Variants in CCDC69 observed in about 807,000 individuals in gnomAD.
CCDC69 encodes the protein coiled-coil domain containing 69, also known as coiled-coil domain-containing protein 69.
Under a neutral mutation model 40.3 loss-of-function variants are expected in CCDC69, and 38 were observed. That is an observed-to-expected ratio of 0.94 (90% CI 0.73 to 1.24). The LOEUF (loss-of-function observed/expected upper bound fraction) is 1.24, where lower values mean the gene tolerates loss of function less well. Among genes scored for constraint, CCDC69 ranks in the 50% most tolerant of loss-of-function variants. The pLI is 0.00. For synonymous variants in CCDC69, 141 were observed against 138.9 expected (o/e 1.02, Z -0.11); for missense variants, 389 against 357.9 (o/e 1.09, Z -0.70).
chr5:151,216,286 T>C (rs1004351438), intron 1 of CCDC69, among the ~76,000 whole-genome samples: 1 of 151,384 alleles, frequency 6.6e-6, no homozygotes, highest in African/African-American at 2.4e-5. Flanking sequence ...AAAAAATGCA[T>C]AGGAAAAAGT....
chr5:151,189,370 G>T (rs2113986170), intron 4 of CCDC69, among the ~76,000 whole-genome samples: 1 of 151,970 alleles, frequency 6.6e-6, no homozygotes, highest in East Asian at 1.9e-4. Context: ...ATCAATAGCA[G>T]AATGGAGATG....
At chr5:151,189,498 A>T (rs1752577499) in intron 4 of CCDC69, among the ~76,000 whole-genome samples, 1 of 152,138 alleles carries the variant, frequency 6.6e-6, no homozygotes, top group South Asian at 2.1e-4. Context: ...GAGACCTGTA[A>T]GATAATGCCC....
intron 1 of CCDC69, among the ~76,000 whole-genome samples, chr5:151,206,382 T>C (rs1216588144): frequency 6.6e-6 from 1 of 152,096 alleles, no homozygotes; most frequent in Non-Finnish European, 1.5e-5. Flanking sequence ...TAGGCATGAT[T>C]GATTAAACTA....
At chr5:151,205,260 TG>T in intron 2 of CCDC69, 139 bp downstream of exon 2, 1 of 737,200 alleles carries the variant, frequency 1.4e-6, no homozygotes, top group East Asian at 2.6e-5. Flanking sequence ...ATTACCTCCC[TG>T]ATTTTAGACA....
chr5:151,204,101 C>A (rs895466717), intron 2 of CCDC69, among the ~76,000 whole-genome samples: 2 of 151,808 alleles, frequency 1.3e-5, no homozygotes, highest in Non-Finnish European at 2.9e-5. Flanking sequence ...GTGATCACAG[C>A]TCACCACAGC....
At chr5:151,213,705 T>C (rs1752989042) in intron 1 of CCDC69, among the ~76,000 whole-genome samples, 1 of 152,348 alleles carries the variant, frequency 6.6e-6, no homozygotes, top group Non-Finnish European at 1.5e-5. Flanking sequence ...CTGCAGAGAC[T>C]TGAGCTAGCC....
chr5:151,186,130 G>C lies in CCDC69; in HGVS notation c.394-6C>G. On this transcript the variant is annotated splice_polypyrimidine_tract_variant and splice_region_variant and intron_variant, in intron 5 of 8. Transcript: ENST00000355417. ...GTCAGTCTGTCTATGGTCTCCTGGA[G>C]CAGGGAGTGGGATGGAGACAATCAA... 1 of 1,595,782 alleles carries C rather than the reference G, an allele frequency of 6.3e-7. No individual in the cohort carries two copies.
chr5:151,210,143 A>C (rs755914694), intron 1 of CCDC69, among the ~76,000 whole-genome samples: 1 of 152,234 alleles, frequency 6.6e-6, no homozygotes, highest in Non-Finnish European at 1.5e-5. Flanking sequence ...CAAATGTGTT[A>C]ATTTTAATGA....
intron 4 of CCDC69, among the ~76,000 whole-genome samples, chr5:151,195,621 A>C (rs1052847361): frequency 1.4e-5 from 2 of 148,060 alleles, no homozygotes. Flanking sequence ...CGGGAGGCTG[A>C]GGCAGAAGAA....
At chr5:151,189,566 CAA>C (rs552880093) in intron 4 of CCDC69, among the ~76,000 whole-genome samples, 2 of 140,072 alleles carry the variant, frequency 1.4e-5, no homozygotes, top group African/African-American at 2.6e-5. Flanking sequence ...GGGTGCAGTG[CAA>C]AAAAAAAAAA....
chr5:151,199,001 C>T lies in CCDC69; in HGVS notation c.315G>A (p.Leu105=), dbSNP rs374130959. Residue 105 remains leucine, a synonymous_variant, in exon 4 of 9, where the codon CTG becomes CTA. Coordinates refer to ENST00000355417, the MANE Select transcript of CCDC69 (RefSeq NM_015621.3). The stretch of plus-strand genomic sequence containing the variant: ...GTGGAACATCTCTACCCTTACCTTG[C>T]AGGGCCTCTTCATTCTTTCCTTCCA... ...RVLEGKNEEA[L]QVLRASYEQE... The T allele has an allele frequency of 1.8e-5, 29 of 1,613,518 alleles. No individual in the cohort carries two copies. Among genetic ancestry groups the T allele is most frequent in the Non-Finnish European group, 2.3e-5 (27 of 1,179,532 alleles).
chr5:151,215,723 A>T (rs1471737284), intron 1 of CCDC69: 1 of 321,674 alleles, frequency 3.1e-6, no homozygotes, highest in Admixed American at 3.2e-5. Context: ...GCCATCTCCC[A>T]AGTTGCACGC....
intron 6 of CCDC69, among the ~76,000 whole-genome samples, chr5:151,185,816 G>A (rs780607891): frequency 9.2e-5 from 14 of 152,224 alleles, no homozygotes; most frequent in Admixed American, 2.0e-4. Context: ...AATCCAGAAC[G>A]TGAGCACTTT....
chr5:151,191,586 C>T (rs908020287), intron 4 of CCDC69, among the ~76,000 whole-genome samples: 2 of 152,282 alleles, frequency 1.3e-5, no homozygotes, highest in Admixed American at 6.5e-5. Flanking sequence ...TCTCCCAACA[C>T]TTGGAAATGC....
At chr5:151,198,947 G>T in intron 4 of CCDC69, 50 bp downstream of exon 4, 1 of 1,458,640 alleles carries the variant, frequency 6.9e-7, no homozygotes, top group Non-Finnish European at 9.6e-7. Context: ...GGTGGGGCCA[G>T]AAGGAAGCAC....
At chr5:151,189,646 A>G (rs1056880236) in intron 4 of CCDC69, among the ~76,000 whole-genome samples, 3 of 152,196 alleles carry the variant, frequency 2.0e-5, no homozygotes, top group African/African-American at 7.2e-5. Context: ...AAAGAAGATC[A>G]CTGAACTCCA....
At chr5:151,215,304 T>A (rs1367845652) in intron 1 of CCDC69, among the ~76,000 whole-genome samples, 1 of 152,236 alleles carries the variant, frequency 6.6e-6, no homozygotes, top group African/African-American at 2.4e-5. Context: ...TAGCTTGCCA[T>A]CTGCTTGCTG....
chr5:151,213,270 G>A (rs779547527), intron 1 of CCDC69, among the ~76,000 whole-genome samples: 8 of 152,012 alleles, frequency 5.3e-5, no homozygotes, highest in Non-Finnish European at 7.4e-5. Flanking sequence ...TTTTTGAGAC[G>A]GAGTCTTGCT....
chr5:151,223,404 G>A (rs1006683346), intron 1 of CCDC69, among the ~76,000 whole-genome samples: 2 of 152,240 alleles, frequency 1.3e-5, no homozygotes, highest in African/African-American at 4.8e-5. Context: ...TCATCACCTG[G>A]GCATATTGTT....
Sources: allele counts gnomAD v4.1 joint callset (sites outside exome capture counted in the v4.1 genomes callset), GRCh38; gene constraint gnomAD v4.1.1; transcripts MANE v1.5; gene names NCBI Gene and HGNC (gene_info 2026-07-23, HGNC 2026-07-21).